SEMA6D: variants seen among roughly 807,000 people sequenced by gnomAD.
SEMA6D encodes the protein semaphorin 6D.
Under a neutral mutation model 106.6 loss-of-function variants are expected in SEMA6D, and 35 were observed. The ratio of observed to expected loss-of-function variants is 0.33; its 90% CI spans 0.25 to 0.44. The LOEUF (loss-of-function observed/expected upper bound fraction) is 0.44. Ranked by LOEUF, SEMA6D falls within the 20% of genes least tolerant of loss-of-function variation. SEMA6D has a pLI of 1.00. For synonymous variants in SEMA6D, 499 were observed against 487.7 expected (o/e 1.02, Z -0.31); for missense variants, 1,185 against 1,345.9 (o/e 0.88, Z 1.87).
At chr15:47,599,195 A>G (rs984531473) in intron 3 of SEMA6D, among the ~76,000 whole-genome samples, 2 of 152,144 alleles carry the variant, frequency 1.3e-5, no homozygotes, top group African/African-American at 4.8e-5. Context: ...GATGTAAATC[A>G]CTGTGCTGGG....
intron 4 of SEMA6D, among the ~76,000 whole-genome samples, chr15:47,610,439 A>G (rs934874052): frequency 6.6e-6 from 1 of 152,182 alleles, no homozygotes; most frequent in African/African-American, 2.4e-5. Flanking sequence ...TCCTCAAGAA[A>G]AACTCTGGGC....
At chr15:47,448,480 G>A (rs1284653281) in intron 2 of SEMA6D, among the ~76,000 whole-genome samples, 1 of 152,048 alleles carries the variant, frequency 6.6e-6, no homozygotes, top group African/African-American at 2.4e-5. Flanking sequence ...GACCTTGGAG[G>A]AATAATGCCT....
intron 1 of SEMA6D, among the ~76,000 whole-genome samples, chr15:47,750,103 A>G (rs1051946170): frequency 1.3e-5 from 2 of 152,008 alleles, no homozygotes; most frequent in African/African-American, 4.8e-5. Context: ...GAGAATATGG[A>G]CTCAGGCTTC....
upstream of SEMA6D, among the ~76,000 whole-genome samples, chr15:47,716,535 AG>A (rs1352585518): frequency 6.6e-6 from 1 of 152,224 alleles, no homozygotes; most frequent in Non-Finnish European, 1.5e-5. Flanking sequence ...TTCTTTAAAC[AG>A]GGGCATCATG....
intron 4 of SEMA6D, among the ~76,000 whole-genome samples, chr15:47,651,331 G>A (rs747659964): frequency 6.6e-6 from 1 of 152,052 alleles, no homozygotes; most frequent in African/African-American, 2.4e-5. Context: ...TTGAGCCCAG[G>A]AATTGGAGGC....
Position 47,746,984 on chromosome 15 carries a change from G to GTATATATATATATATATA in SEMA6D, c.-54-12759_-54-12742dup, listed in dbSNP as rs3985864. 9.6e-3 allele frequency among the ~76,000 whole-genome samples: 1,171 copies of GTATATATATATATATATA among 121,984 alleles called. 16 individuals are homozygous for GTATATATATATATATATA. The highest frequency in any genetic ancestry group is 0.015 in the Non-Finnish European group (815 of 54,630). The allele number at this position is 121,984 out of a possible 152,430, so 80.0% of individuals were successfully genotyped here. On this transcript the variant is annotated intron_variant, in intron 1 of 18. Coordinates refer to ENST00000536845, the MANE Select transcript of SEMA6D (RefSeq NM_001358351.3). ...ACAGTCTCCTGCTGTGTGTGTGTGT[G>GTATATATATATATATATA]TATATATATATATATATATTTCGAT... is the stretch of plus-strand genomic sequence containing the variant.
At position 47,759,871 on chromosome 15, in the gene SEMA6D, G is replaced by A; in HGVS notation, c.73G>A (p.Glu25Lys). ...CCAGTTGAGGGCAGTCAGCTTTCCT[G>A]AAGATGATGAACCCCTTAATACTGT... Reference protein sequence around the residue: ...VSQLRAVSFPEDDEPLNTVDY... With the variant: ...VSQLRAVSFPKDDEPLNTVDY... Residue 25 changes from glutamate (E) to lysine (K), a missense_variant, in exon 2 of 19, where the codon GAA becomes AAA. Physicochemically the swap from Glu to Lys is moderately conservative, Grantham distance 56. This residue lies in a region of SEMA6D where 144 missense variants were observed against 138.6 expected (regional missense o/e 1.04). Transcript: ENST00000536845. The A allele has an allele frequency of 1.2e-6, 2 of 1,613,656 alleles. No homozygotes were observed. Among genetic ancestry groups the A allele is most frequent in the South Asian group, 2.2e-5 (2 of 91,076 alleles).
In SEMA6D at chr15:47,345,384, G is replaced by A. The variant is rs578120106; in HGVS notation, c.-238-67009G>A. Among the ~76,000 whole-genome samples, 34 of 152,202 alleles carry A rather than the reference G, an allele frequency of 2.2e-4. No individual in the cohort carries two copies. In the East Asian group the frequency reaches 2.5e-3, roughly 11 times the overall value. ...AAAGATCAATGGAACAGAATAGAAC[G>A]TGCAGAAGTAGATCTGCTCATGTAT... is the stretch of plus-strand genomic sequence containing the variant. On this transcript the variant is annotated intron_variant, in intron 1 of 19. Transcript: ENST00000558014.
At chr15:47,376,967 A>T (rs572550663) in intron 1 of SEMA6D, among the ~76,000 whole-genome samples, 2 of 152,334 alleles carry the variant, frequency 1.3e-5, no homozygotes, top group African/African-American at 4.8e-5. Flanking sequence ...CTGATGCCTG[A>T]TAATTAATGA....
chr15:47,454,347 TC>T (rs1396870782), intron 2 of SEMA6D, among the ~76,000 whole-genome samples: 2 of 151,990 alleles, frequency 1.3e-5, no homozygotes, highest in Non-Finnish European at 2.9e-5. Context: ...ATTTTGATGT[TC>T]CCCAGTTTTA....
rs184043795 is a variant in SEMA6D at position 47,425,340 on chromosome 15, A to C, written c.-159+12868A>C. Among the ~76,000 whole-genome samples the C allele has an allele frequency of 5.8e-3, 886 of 152,190 alleles. 6 individuals are homozygous for C. Among genetic ancestry groups the C allele is most frequent in the Admixed American group, 0.017 (252 of 15,270 alleles). On this transcript the variant is annotated intron_variant, in intron 2 of 19. Coordinates refer to the SEMA6D transcript ENST00000558014. ...GTGAGTGAGAAGAGAAACCTGAGACAGAAAGTCCCTGATTCTGAGGCTGCC... is the reference window on the plus strand; with the variant it reads ...GTGAGTGAGAAGAGAAACCTGAGACCGAAAGTCCCTGATTCTGAGGCTGCC...
intron 1 of SEMA6D, among the ~76,000 whole-genome samples, chr15:47,748,672 A>G (rs796741765): frequency 5.3e-5 from 8 of 152,324 alleles, no homozygotes; most frequent in African/African-American, 1.9e-4. Flanking sequence ...CTGCTTAGGG[A>G]TCCAGGTGGG....
intron 3 of SEMA6D, among the ~76,000 whole-genome samples, chr15:47,571,548 C>T (rs1476501814): frequency 6.6e-6 from 1 of 152,204 alleles, no homozygotes; most frequent in Admixed American, 6.5e-5. Context: ...CATCAATCTT[C>T]AATCCAGGTT....
chr15:47,207,993 G>GCGCGCACACACACACACACACA (rs1424944556), intron 1 of SEMA6D, among the ~76,000 whole-genome samples: 4 of 89,394 alleles, frequency 4.5e-5, no homozygotes, highest in East Asian at 5.6e-4. Flanking sequence ...TGGCGCGCGC[G>GCGCGCACACACACACACACACA]CACACACACA....
chr15:47,400,552 G>A (rs1164942229), intron 1 of SEMA6D, among the ~76,000 whole-genome samples: 1 of 151,880 alleles, frequency 6.6e-6, no homozygotes, highest in Non-Finnish European at 1.5e-5. Flanking sequence ...CTATGAGGCA[G>A]GCATTATTCC....
chr15:47,602,639 A>ACCC (rs2143524641), intron 4 of SEMA6D, among the ~76,000 whole-genome samples: 1 of 152,086 alleles, frequency 6.6e-6, no homozygotes, highest in South Asian at 2.1e-4. Flanking sequence ...TGGAAAGGTT[A>ACCC]CCCCAGCATC....
intron 4 of SEMA6D, among the ~76,000 whole-genome samples, chr15:47,611,406 C>T (rs942093398): frequency 2.6e-5 from 4 of 152,050 alleles, no homozygotes; most frequent in African/African-American, 9.7e-5. Context: ...GGAAAATAGT[C>T]ACAATTTTTA....
At chr15:47,532,630 G>A (rs2045010547) in intron 3 of SEMA6D, among the ~76,000 whole-genome samples, 1 of 152,150 alleles carries the variant, frequency 6.6e-6, no homozygotes, top group South Asian at 2.1e-4. Flanking sequence ...TATTCAGTTG[G>A]TTGCTGGTTG....
intron 1 of SEMA6D, among the ~76,000 whole-genome samples, chr15:47,394,500 G>T (rs1309955894): frequency 6.6e-6 from 1 of 152,126 alleles, no homozygotes; most frequent in Non-Finnish European, 1.5e-5. Flanking sequence ...AACTTCATGT[G>T]CAAAGGAAGA....
Sources: allele counts gnomAD v4.1 joint callset (sites outside exome capture counted in the v4.1 genomes callset), GRCh38; gene constraint gnomAD v4.1.1; regional missense constraint gnomAD v4.1.1; transcripts MANE v1.5; gene names NCBI Gene and HGNC (gene_info 2026-07-23, HGNC 2026-07-21).